The following NOXA1 variants were observed in gnomAD, a reference collection of about 807,000 sequenced individuals.
NOXA1 encodes NCF2-like protein.
NOXA1 carries 56 observed loss-of-function variants against 64.8 expected under a neutral mutation model. That is an observed-to-expected ratio of 0.86 (90% CI 0.70 to 1.08). The LOEUF is 1.08. Among genes scored for constraint, NOXA1 ranks in the 50% least tolerant of loss-of-function variants. NOXA1 has a pLI of 0.00. For missense variants in NOXA1, 668 were observed against 658.5 expected (o/e 1.01, Z -0.16); for synonymous variants, 295 against 294.8 (o/e 1.00, Z -0.01).
At chr9:137,430,127 CAGAT>C (rs1346080576) in intron 5 of NOXA1, among the ~76,000 whole-genome samples, 1 of 149,150 alleles carries the variant, frequency 6.7e-6, no homozygotes, top group Non-Finnish European at 1.5e-5. Flanking sequence ...GTCCCTGCCA[CAGAT>C]AGCGAGGTCC....
rs753867593 is a variant in NOXA1 at position 137,423,576 on chromosome 9, A to G, written c.47A>G (p.Gln16Arg). 11 of 1,463,418 alleles carry G rather than the reference A, an allele frequency of 7.5e-6. No homozygotes were observed. The African/African-American group carries it at 1.2e-4, about 15-fold the overall frequency. 90.7% of individuals were successfully genotyped at this position (1,463,418 alleles called of 1,614,324 possible). The change falls in exon 1 of 14, where the codon CAG (glutamine) becomes CGG (arginine). Residue 16 changes from glutamine to arginine, a missense_variant. By Grantham distance (43) the Gln-to-Arg change is conservative (BLOSUM62 1). Coordinates refer to ENST00000683555, the MANE Select transcript of NOXA1 (RefSeq NM_001256067.2). ...DLVRAWHLGA[Q>R]AVDRGDWARA... ...GTGCGCGCCTGGCACCTGGGCGCGCAGGCTGTGGATCGTGGGGACTGGGCC... is the reference window on the plus strand; with the variant it reads ...GTGCGCGCCTGGCACCTGGGCGCGCGGGCTGTGGATCGTGGGGACTGGGCC...
At chr9:137,426,164 G>A in intron 1 of NOXA1, 84 bp from the exon 2 acceptor site, 1 of 1,247,572 alleles carries the variant, frequency 8.0e-7, no homozygotes, top group Non-Finnish European at 1.2e-6. Context: ...GAATTCCGTG[G>A]CCCTGTCACC....
At chr9:137,423,882 T>TG (rs1838696558) in intron 1 of NOXA1, among the ~76,000 whole-genome samples, 176 bp downstream of exon 1, 2 of 151,774 alleles carry the variant, frequency 1.3e-5, no homozygotes, top group Admixed American at 1.3e-4. Context: ...GAGGCCGCGC[T>TG]GGGGGGCGCG....
chr9:137,433,191 G>C lies in NOXA1; in HGVS notation c.851-14G>C, dbSNP rs886911006. On this transcript the variant is annotated splice_polypyrimidine_tract_variant and intron_variant, in intron 9 of 13. Transcript: ENST00000683555. ...TGGTGGTAGTGGCTGTGTCAGTCTT[G>C]CTCTGTCCTACAGGGCTGCCGGCAA... 6.2e-7 allele frequency: 1 copy of C among 1,609,298 alleles called. No homozygotes were observed. The highest frequency in any genetic ancestry group is 8.5e-7 in the Non-Finnish European group (1 of 1,178,480).
In NOXA1 at chr9:137,431,328, C is replaced by T. The variant is rs763528761; in HGVS notation, c.791C>T (p.Ala264Val). The change falls in exon 8 of 14, where the codon GCC (alanine) becomes GTC (valine). Residue 264 changes from alanine to valine, a missense_variant. By Grantham distance (64) the Ala-to-Val change is moderately conservative. Transcript: ENST00000683555. The surrounding 1 kb of genome is among the most constrained non-coding windows in gnomAD (Gnocchi z 5.6). ...EVGADRCTST[A>V]YQEQRPQVEQ... is the part of the protein sequence containing the mutation. ...GGTGCTGACCGCTGCACGTCGACTGCCTACCAGGAGCAGGTGCGTGGGCCT... is the reference window on the plus strand; with the variant it reads ...GGTGCTGACCGCTGCACGTCGACTGTCTACCAGGAGCAGGTGCGTGGGCCT... 1 of 1,609,432 alleles carries T rather than the reference C, an allele frequency of 6.2e-7. No homozygotes were observed. Among genetic ancestry groups the T allele is most frequent in the South Asian group, 1.1e-5 (1 of 91,084 alleles).
rs1321602131 is a variant in NOXA1, at chr9:137,433,469, G to A, written c.926G>A (p.Gly309Asp). Reference sequence around the variant, plus strand: ...TGGACCCAGGGAGCAGGTGCAGGGGGCTCCGAGCCCCTGGTGACTGTCACC... The same window carrying A: ...TGGACCCAGGGAGCAGGTGCAGGGGACTCCGAGCCCCTGGTGACTGTCACC... ...PAGAGGAGAG[G>D]SEPLVTVTVQ... The change falls in exon 11 of 14, where the codon GGC becomes GAC. Residue 309 changes from glycine to aspartate, a missense_variant. Gly to Asp is a moderately conservative substitution (Grantham distance 94). Coordinates refer to ENST00000683555, the MANE Select transcript of NOXA1 (RefSeq NM_001256067.2). 1.2e-6 allele frequency: 2 copies of A among 1,602,002 alleles called. No homozygotes were observed. The highest frequency in any genetic ancestry group is 1.7e-5 in the Admixed American group (1 of 59,756).
rs577130864 is a variant in NOXA1 at position 137,431,474 on chromosome 9, C to T, written c.804+133C>T. ...GGGGGGTAGACGGGGCCGGGCTCAC[C>T]CGTGGTCCTGGCCCAGCCCAGCCAG... On this transcript the variant is annotated intron_variant, in intron 8 of 13. Transcript: ENST00000683555. This position sits in a 1 kb window ranked among gnomAD's most constrained non-coding sequence, Gnocchi z 5.6. The T allele has an allele frequency of 9.2e-6, 7 of 758,738 alleles. No individual in the cohort carries two copies. The highest frequency in any genetic ancestry group is 1.5e-5 in the Non-Finnish European group (7 of 462,642). 47.0% of individuals were successfully genotyped at this position (758,738 alleles called of 1,614,324 possible).
Position 137,423,418 on chromosome 9 carries a change from G to GCCCGCACCTCTGCCCGCCTCGGAGAC in NOXA1, c.-105_-80dup, listed in dbSNP as rs1188679703. The GCCCGCACCTCTGCCCGCCTCGGAGAC allele has an allele frequency of 6.3e-6, 4 of 633,574 alleles. No homozygotes were observed. The highest frequency in any genetic ancestry group is 6.4e-6 in the Non-Finnish European group (3 of 467,156). The allele number at this position is 633,574 out of a possible 1,614,324, so 39.2% of individuals were successfully genotyped here. A position where few individuals can be genotyped will look rare whatever the true frequency, so the allele number is the denominator to read the frequency against. ...AGCGGGGTTGCACCTGGCGCTTGGC[G>GCCCGCACCTCTGCCCGCCTCGGAGAC]CCCGCACCTCTGCCCGCCTCGGAGA... On this transcript the variant is annotated 5_prime_UTR_variant, in exon 1 of 14. Transcript: ENST00000683555.
rs1207939643 is a variant in NOXA1, at chr9:137,434,025, G to C, written c.1240G>C (p.Gly414Arg). ...GGCCCAGCACAGCTACTCCGCCCAG[G>C]GGCCAGAGGACCTGGGCTTCCGACA... Reference protein sequence around the residue: ...VVAQHSYSAQGPEDLGFRQGD... With the variant: ...VVAQHSYSAQRPEDLGFRQGD... Residue 414 changes from glycine (G) to arginine (R), a missense_variant, in exon 13 of 14, where the codon GGG becomes CGG. Transcript: ENST00000683555. 6.4e-7 allele frequency: 1 copy of C among 1,571,910 alleles called. No homozygotes were observed. The highest frequency in any genetic ancestry group is 8.6e-7 in the Non-Finnish European group (1 of 1,163,642).
chr9:137,424,180 C>T (rs992093161), intron 1 of NOXA1, among the ~76,000 whole-genome samples: 10 of 152,200 alleles, frequency 6.6e-5, no homozygotes, highest in African/African-American at 1.9e-4. Flanking sequence ...CCTGTTCCTG[C>T]GCATCCCAAA....
At chr9:137,427,570 T>C (rs1023512380) in intron 2 of NOXA1, among the ~76,000 whole-genome samples, 1 of 152,236 alleles carries the variant, frequency 6.6e-6, no homozygotes, top group Non-Finnish European at 1.5e-5. Context: ...CAGACCCCTC[T>C]GGGGCAGCCT....
Position 137,423,685 on chromosome 9 carries a change from G to A in NOXA1, c.156G>A (p.Gly52=). 1 of 1,351,384 alleles carries A rather than the reference G, an allele frequency of 7.4e-7. No individual in the cohort carries two copies. Among genetic ancestry groups the A allele is most frequent in the Non-Finnish European group, 9.5e-7 (1 of 1,050,880 alleles). The allele number at this position is 1,351,384 out of a possible 1,614,324, so 83.7% of individuals were successfully genotyped here. A position where few individuals can be genotyped will look rare whatever the true frequency, so the allele number is the denominator to read the frequency against. The part of the protein sequence containing the change: ...FNAGCVHLLA[G]DPEAALRAFD... ...CGGGCTGCGTGCACCTGCTGGCCGGGGACCCCGAGGCCGCGCTGCGGGTGA... is the reference window on the plus strand; with the variant it reads ...CGGGCTGCGTGCACCTGCTGGCCGGAGACCCCGAGGCCGCGCTGCGGGTGA... The change falls in exon 1 of 14, where the codon GGG becomes GGA. Residue 52 remains glycine (G), a synonymous_variant. Coordinates refer to ENST00000683555, the MANE Select transcript of NOXA1 (RefSeq NM_001256067.2).
At position 137,426,310 on chromosome 9, in the gene NOXA1, G is replaced by A. The variant is rs1838846427; in HGVS notation, c.240G>A (p.Val80=). 1 of 1,613,632 alleles carries A rather than the reference G, an allele frequency of 6.2e-7. No homozygotes were observed. The highest frequency in any genetic ancestry group is 1.3e-5 in the African/African-American group (1 of 74,918). The change falls in exon 2 of 14, where the codon GTG becomes GTA. Residue 80 remains valine, a synonymous_variant. Transcript: ENST00000683555. ...CGGTTGGCTTCTTCCAGCGAGGAGT[G>A]GCCAACTTCCAGCTGGCAAGGTGAG... ...CMAVGFFQRG[V]ANFQLARFQE...
intron 2 of NOXA1, among the ~76,000 whole-genome samples, chr9:137,427,531 G>A (rs1454194160): frequency 2.6e-5 from 4 of 152,278 alleles, no homozygotes; most frequent in Non-Finnish European, 5.9e-5. Context: ...GATTATGGCT[G>A]TGGGACTGTC....
Position 137,429,055 on chromosome 9 carries a change from C to T in NOXA1, c.504+39C>T, listed in dbSNP as rs369425475. ...GCCCGGTCATGGTTTTGGGCTGGTGCCTACCAAAGCTCCTCAAGACCAATT... is the reference window on the plus strand; with the variant it reads ...GCCCGGTCATGGTTTTGGGCTGGTGTCTACCAAAGCTCCTCAAGACCAATT... On this transcript the variant is annotated intron_variant, in intron 4 of 13. Transcript: ENST00000683555. 1.2e-4 allele frequency: 182 copies of T among 1,494,124 alleles called. 1 individual carries two copies. The highest frequency in any genetic ancestry group is 3.4e-5 in the Non-Finnish European group (38 of 1,120,122). The allele number at this position is 1,494,124 out of a possible 1,614,324, so 92.6% of individuals were successfully genotyped here.
At chr9:137,424,683 C>T (rs1443140147) in intron 1 of NOXA1, among the ~76,000 whole-genome samples, 1 of 152,196 alleles carries the variant, frequency 6.6e-6, no homozygotes, top group Admixed American at 6.5e-5. Context: ...GGTGATCCAC[C>T]CTCCTCGGCC....
rs749210055 is a variant in NOXA1 at position 137,431,309 on chromosome 9, G to A, written c.772G>A (p.Asp258Asn). ...CGATGCAGAGACAGAGGTCGGTGCT[G>A]ACCGCTGCACGTCGACTGCCTACCA... ...PLDAETEVGA[D>N]RCTSTAYQEQ... Residue 258 changes from aspartate to asparagine, a missense_variant, in exon 8 of 14, where the codon GAC becomes AAC. Transcript: ENST00000683555. The surrounding 1 kb of genome is among the most constrained non-coding windows in gnomAD (Gnocchi z 5.6). 2 of 1,611,550 alleles carry A rather than the reference G, an allele frequency of 1.2e-6. No individual in the cohort carries two copies. Among genetic ancestry groups the A allele is most frequent in the Non-Finnish European group, 1.7e-6 (2 of 1,179,926 alleles).
chr9:137,433,263 G>A lies in NOXA1; in HGVS notation c.909G>A (p.Gly303=), dbSNP rs1306180946. ...PGPCEDPAGA[G]GAGAGGSEPL... ...CCTGTGAGGACCCCGCGGGTGCTGGGGTAAGAGGCTCTAGACCCTTCACCT... is the reference window on the plus strand; with the variant it reads ...CCTGTGAGGACCCCGCGGGTGCTGGAGTAAGAGGCTCTAGACCCTTCACCT... Residue 303 remains glycine, a splice_region_variant and synonymous_variant, in exon 10 of 14, where the codon GGG becomes GGA. Coordinates refer to ENST00000683555, the MANE Select transcript of NOXA1 (RefSeq NM_001256067.2). 1 of 1,584,704 alleles carries A rather than the reference G, an allele frequency of 6.3e-7. No individual in the cohort carries two copies. Among genetic ancestry groups the A allele is most frequent in the Non-Finnish European group, 8.6e-7 (1 of 1,167,530 alleles).
intron 2 of NOXA1, among the ~76,000 whole-genome samples, chr9:137,427,110 T>G (rs923828038): frequency 6.6e-6 from 1 of 152,232 alleles, no homozygotes; most frequent in Non-Finnish European, 1.5e-5. Context: ...TTACATATTT[T>G]AAAGGGATTT....
Sources: gnomAD v4.1 joint callset for allele counts (sites outside exome capture counted in the v4.1 genomes callset) on GRCh38, gnomAD v4.1.1 for gene constraint, Gnocchi (gnomAD v3.1) non-coding constraint, MANE v1.5 for transcripts, NCBI Gene and HGNC (gene_info 2026-07-23, HGNC 2026-07-21) for gene names.